UST: variants seen among roughly 807,000 people sequenced by gnomAD.
UST encodes chondroitin sulfate 2-O-sulfotransferase.
A neutral mutation model predicts 45.6 loss-of-function variants in UST; 21 were observed. The ratio of observed to expected loss-of-function variants is 0.46; its 90% CI spans 0.33 to 0.66. UST has a LOEUF of 0.66. Among genes scored for constraint, UST ranks in the 30% least tolerant of loss-of-function variants. The pLI, the probability that UST is intolerant of heterozygous loss-of-function variation, is 0.02. For missense variants in UST, 463 were observed against 512.4 expected, an observed-to-expected ratio of 0.90 and a Z score of 0.93; for synonymous variants, 215 against 200.6, an observed-to-expected ratio of 1.07 and a Z score of -0.61.
chr6:149,003,650 G>T (rs757248138), intron 5 of UST, among the ~76,000 whole-genome samples: 4 of 152,204 alleles, frequency 2.6e-5, no homozygotes, highest in Non-Finnish European at 4.4e-5. Flanking sequence ...TACAAAACTG[G>T]GTTGGGCCCA....
intron 1 of UST, among the ~76,000 whole-genome samples, chr6:148,847,494 G>A (rs1778014606): frequency 6.6e-6 from 1 of 152,208 alleles, no homozygotes; most frequent in African/African-American, 2.4e-5. Context: ...GACATAAGAT[G>A]TTTGAAACCC....
intron 4 of UST, among the ~76,000 whole-genome samples, chr6:148,960,849 A>G (rs1020532786): frequency 3.3e-5 from 5 of 152,256 alleles, no homozygotes; most frequent in Non-Finnish European, 5.9e-5. Flanking sequence ...TATTGATTTA[A>G]TATGTGCAAT....
At chr6:148,981,565 G>T (rs985818291) in intron 5 of UST, among the ~76,000 whole-genome samples, 2 of 152,122 alleles carry the variant, frequency 1.3e-5, no homozygotes, top group African/African-American at 4.8e-5. Context: ...GCTGCATGTG[G>T]GTAGGGAACT....
intron 7 of UST, among the ~76,000 whole-genome samples, chr6:149,055,393 A>G (rs1476501404): frequency 1.3e-5 from 2 of 152,200 alleles, no homozygotes; most frequent in African/African-American, 4.8e-5. Flanking sequence ...ATTTCATTTC[A>G]TGCCCCAATA....
chr6:148,810,282 C>T (rs1386087007), intron 1 of UST, among the ~76,000 whole-genome samples: 1 of 152,094 alleles, frequency 6.6e-6, no homozygotes, highest in Non-Finnish European at 1.5e-5. Flanking sequence ...TTGGTAAACT[C>T]CCATAGATCA....
At chr6:148,919,798 T>C (rs762659995) in intron 2 of UST, among the ~76,000 whole-genome samples, 18 of 152,214 alleles carry the variant, frequency 1.2e-4, no homozygotes, top group Non-Finnish European at 2.4e-4. Flanking sequence ...TTAAGCCTTT[T>C]AGACTTTCCA....
chr6:148,977,507 T>C (rs1781038764), intron 5 of UST, among the ~76,000 whole-genome samples: 1 of 151,956 alleles, frequency 6.6e-6, no homozygotes, highest in South Asian at 2.1e-4. Flanking sequence ...ATCCCGGCAC[T>C]TTGGGAGGCC....
At chr6:148,989,223 C>CCA (rs1554231970) in intron 5 of UST, among the ~76,000 whole-genome samples, 19 of 127,850 alleles carry the variant, frequency 1.5e-4, no homozygotes, top group South Asian at 2.7e-4. Context: ...CCCCCCACCC[C>CCA]CCGCAAATGA....
chr6:148,775,514 C>T (rs192420732), intron 1 of UST, among the ~76,000 whole-genome samples: 42 of 152,314 alleles, frequency 2.8e-4, no homozygotes, highest in African/African-American at 9.6e-4. Flanking sequence ...TCAGCAGTCA[C>T]TGTGAAACTA....
intron 7 of UST, among the ~76,000 whole-genome samples, chr6:149,038,818 GA>G (rs574188092): frequency 1.3e-3 from 205 of 152,088 alleles, no homozygotes; most frequent in Non-Finnish European, 2.7e-3. Flanking sequence ...GAATTGGGGG[GA>G]AAAAGATGTC....
chr6:148,966,980 C>T (rs912810211), intron 5 of UST, among the ~76,000 whole-genome samples: 3 of 152,172 alleles, frequency 2.0e-5, no homozygotes, highest in African/African-American at 7.2e-5. Context: ...TAAAATGATC[C>T]ACCCACCTCA....
intron 5 of UST, among the ~76,000 whole-genome samples, chr6:148,968,626 G>T (rs1416665811): frequency 6.6e-6 from 1 of 152,208 alleles, no homozygotes; most frequent in Non-Finnish European, 1.5e-5. Flanking sequence ...TTAATGAATG[G>T]TGGAAAGCTT....
At chr6:148,912,201 CATAAA>C (rs1779489442) in intron 2 of UST, among the ~76,000 whole-genome samples, 2 of 151,506 alleles carry the variant, frequency 1.3e-5, no homozygotes, top group Admixed American at 6.5e-5. Context: ...TATTTCAAAA[CATAAA>C]ATAAAATAAA....
At chr6:148,951,177 G>A (rs568050729) in intron 3 of UST, among the ~76,000 whole-genome samples, 6 of 152,196 alleles carry the variant, frequency 3.9e-5, no homozygotes, top group Non-Finnish European at 8.8e-5. Context: ...AATAGCACAG[G>A]TGGAATTCAC....
chr6:148,779,780 C>T (rs935056564), intron 1 of UST, among the ~76,000 whole-genome samples: 1 of 152,108 alleles, frequency 6.6e-6, no homozygotes, highest in Non-Finnish European at 1.5e-5. Flanking sequence ...GCTCTCAACA[C>T]GTCTTAACAT....
chr6:149,016,680 G>A (rs543728198), intron 5 of UST, among the ~76,000 whole-genome samples: 1 of 152,320 alleles, frequency 6.6e-6, no homozygotes, highest in Non-Finnish European at 1.5e-5. Flanking sequence ...GGCTCTGGCG[G>A]TCTCTGATGC....
intron 1 of UST, among the ~76,000 whole-genome samples, chr6:148,827,033 G>T (rs957552049): frequency 6.6e-6 from 1 of 152,060 alleles, no homozygotes; most frequent in Non-Finnish European, 1.5e-5. Context: ...TGGGAGTTAG[G>T]CCATAAACAT....
chr6:148,998,641 G>C (rs1324645473), intron 5 of UST, among the ~76,000 whole-genome samples: 1 of 152,194 alleles, frequency 6.6e-6, no homozygotes, highest in African/African-American at 2.4e-5. Flanking sequence ...TCCATTTTCT[G>C]TGTGGCTAAG....
intron 7 of UST, among the ~76,000 whole-genome samples, chr6:149,068,140 T>G (rs1284681295): frequency 6.6e-6 from 1 of 152,142 alleles, no homozygotes; most frequent in East Asian, 1.9e-4. Flanking sequence ...TTTGGGTGCC[T>G]CAGTCAGCAG....
Sources: allele counts gnomAD v4.1 joint callset (sites outside exome capture counted in the v4.1 genomes callset), GRCh38; gene constraint gnomAD v4.1.1; transcripts MANE v1.5; gene names NCBI Gene and HGNC (gene_info 2026-07-23, HGNC 2026-07-21).